COL19A1: variants seen among roughly 807,000 people sequenced by gnomAD.
COL19A1 encodes the protein collagen type XIX alpha 1 chain.
Under a neutral mutation model 190.2 loss-of-function variants are expected in COL19A1, and 159 were observed. The ratio of observed to expected loss-of-function variants is 0.84; its 90% CI spans 0.73 to 0.95. COL19A1 has a LOEUF of 0.95. Ranked by LOEUF, COL19A1 falls within the 40% of genes least tolerant of loss-of-function variation. COL19A1 has a pLI of 0.00. For missense variants in COL19A1, 1,418 were observed against 1,431.9 expected (o/e 0.99, Z 0.16); for synonymous variants, 509 against 458.9 (o/e 1.11, Z -1.39).
In COL19A1 at chr6:69,963,736, G is replaced by C. The variant is rs566464940; in HGVS notation, c.1026+866G>C. Among the ~76,000 whole-genome samples, 4 of 152,254 alleles carry C rather than the reference G, an allele frequency of 2.6e-5. No homozygotes were observed. The South Asian group carries it at 8.3e-4, about 32-fold the overall frequency. On this transcript the variant is annotated intron_variant, in intron 11 of 50. Coordinates refer to ENST00000620364, the MANE Select transcript of COL19A1 (RefSeq NM_001858.6). Reference sequence around the variant, plus strand: ...ATGCCAGCCCACTAATCTAAGTGCTGTCATTTAAAGTCACCTTCTTACAAA... The same window carrying C: ...ATGCCAGCCCACTAATCTAAGTGCTCTCATTTAAAGTCACCTTCTTACAAA...
At chr6:69,969,813 C>A (rs1170667565) in intron 11 of COL19A1, among the ~76,000 whole-genome samples, 1 of 152,152 alleles carries the variant, frequency 6.6e-6, no homozygotes, top group Non-Finnish European at 1.5e-5. Flanking sequence ...GCCAGGTTGG[C>A]TGAGGGTGGC....
intron 14 of COL19A1, among the ~76,000 whole-genome samples, chr6:70,045,545 T>G (rs1035552990): frequency 6.6e-6 from 1 of 152,168 alleles, no homozygotes; most frequent in Non-Finnish European, 1.5e-5. Context: ...GCAGTTAAAT[T>G]GGCTTGACTC....
chr6:69,868,902 T>A (rs1767648053), intron 1 of COL19A1, among the ~76,000 whole-genome samples: 1 of 152,132 alleles, frequency 6.6e-6, no homozygotes, highest in African/African-American at 2.4e-5. Flanking sequence ...CGGAAGAAGA[T>A]ATGAAGTTAG....
At chr6:70,029,626 A>T (rs542591043) in intron 12 of COL19A1, among the ~76,000 whole-genome samples, 84 of 152,310 alleles carry the variant, frequency 5.5e-4, no homozygotes, top group African/African-American at 1.9e-3. Context: ...TGAGAAAAGC[A>T]TTACTGATGT....
At chr6:69,973,795 G>A (rs778180061) in intron 11 of COL19A1, 1 of 152,126 alleles carries the variant, frequency 6.6e-6, no homozygotes, top group African/African-American at 2.4e-5. Flanking sequence ...TAATTAATTC[G>A]ATGTCACCAA....
At chr6:70,187,890 G>A (rs951253961) in intron 46 of COL19A1, among the ~76,000 whole-genome samples, 185 bp from the exon 47 acceptor site, 3 of 152,002 alleles carry the variant, frequency 2.0e-5, no homozygotes, top group African/African-American at 4.8e-5. Flanking sequence ...TCTGAAAATC[G>A]CCCTATCTAA....
chr6:69,880,457 T>A (rs1328510672), intron 2 of COL19A1, among the ~76,000 whole-genome samples: 1 of 152,208 alleles, frequency 6.6e-6, no homozygotes, highest in African/African-American at 2.4e-5. Flanking sequence ...TAATCACATA[T>A]GATTATGTAC....
chr6:70,158,818 A>T (rs1583051547), intron 34 of COL19A1, among the ~76,000 whole-genome samples: 1 of 152,100 alleles, frequency 6.6e-6, no homozygotes, highest in East Asian at 1.9e-4. Context: ...ATATCTCTGC[A>T]ATAAATTTTA....
At chr6:69,962,022 T>G (rs1774828802) in intron 10 of COL19A1, among the ~76,000 whole-genome samples, 1 of 152,164 alleles carries the variant, frequency 6.6e-6, no homozygotes, top group Non-Finnish European at 1.5e-5. Context: ...TGAATGCTTC[T>G]TATGCTCCAG....
chr6:69,879,972 A>G (rs945324897), intron 2 of COL19A1: 1 of 370,822 alleles, frequency 2.7e-6, no homozygotes, highest in East Asian at 4.0e-5. Flanking sequence ...CTCTTCAATA[A>G]TTATTCAAGT....
chr6:70,026,333 A>C (rs543437980), intron 12 of COL19A1, among the ~76,000 whole-genome samples: 1 of 152,330 alleles, frequency 6.6e-6, no homozygotes, highest in South Asian at 2.1e-4. Context: ...GAGTAACACT[A>C]ACTTACTGAG....
intron 4 of COL19A1, among the ~76,000 whole-genome samples, chr6:69,919,014 T>G (rs1429680948): frequency 6.6e-6 from 1 of 152,190 alleles, no homozygotes; most frequent in Non-Finnish European, 1.5e-5. Flanking sequence ...TAGACAAGGT[T>G]TATCTTGGTT....
chr6:70,074,642 T>C (rs1009831505), intron 15 of COL19A1, among the ~76,000 whole-genome samples: 7 of 152,238 alleles, frequency 4.6e-5, no homozygotes, highest in African/African-American at 1.7e-4. Flanking sequence ...CCACTAACAA[T>C]TGTCTGCAGT....
At chr6:70,001,137 A>G (rs943539609) in intron 11 of COL19A1, among the ~76,000 whole-genome samples, 5 of 152,134 alleles carry the variant, frequency 3.3e-5, no homozygotes, top group African/African-American at 9.7e-5. Flanking sequence ...TTCTTTCCCC[A>G]TTACTTGTTT....
intron 15 of COL19A1, among the ~76,000 whole-genome samples, chr6:70,085,013 G>A (rs898488686): frequency 5.3e-5 from 8 of 152,092 alleles, no homozygotes; most frequent in African/African-American, 1.4e-4. Flanking sequence ...TACCTAACCC[G>A]AAGTTGATGA....
chr6:69,932,910 C>A, intron 7 of COL19A1, 47 bp downstream of exon 7: 1 of 1,250,202 alleles, frequency 8.0e-7, no homozygotes, highest in Non-Finnish European at 1.2e-6. Flanking sequence ...CGCCAATTAT[C>A]TTTTAGTGGC....
chr6:69,992,422 A>C (rs918254593), intron 11 of COL19A1, among the ~76,000 whole-genome samples: 2 of 152,002 alleles, frequency 1.3e-5, no homozygotes, highest in Non-Finnish European at 2.9e-5. Context: ...TCTGTGAAAA[A>C]TGTTGTTAGT....
intron 44 of COL19A1, among the ~76,000 whole-genome samples, chr6:70,181,203 G>A (rs562656816): frequency 6.6e-6 from 1 of 152,342 alleles, no homozygotes; most frequent in African/African-American, 2.4e-5. Context: ...TTGCTGTGGT[G>A]TGTATGGGAA....
Position 70,149,925 on chromosome 6 carries a change from C to T in COL19A1, c.1983+21C>T, listed in dbSNP as rs762396247. The T allele has an allele frequency of 1.2e-5, 20 of 1,613,758 alleles. No individual in the cohort carries two copies. In the East Asian group the frequency reaches 4.0e-4, roughly 32 times the overall value. ...ATGATGTAAGGACTTTCTTTATCTACCCTCCCCCATTTTAATCTGCACCTG... is the reference window on the plus strand; with the variant it reads ...ATGATGTAAGGACTTTCTTTATCTATCCTCCCCCATTTTAATCTGCACCTG... On this transcript the variant is annotated intron_variant, in intron 29 of 50. Transcript: ENST00000620364.
Sources: gnomAD v4.1 joint callset for allele counts (sites outside exome capture counted in the v4.1 genomes callset) on GRCh38, gnomAD v4.1.1 for gene constraint, MANE v1.5 for transcripts, NCBI Gene and HGNC (gene_info 2026-07-23, HGNC 2026-07-21) for gene names.